The following MALRD1 variants were observed in gnomAD, a reference collection of about 807,000 sequenced individuals.
MALRD1 encodes MAM and LDL-receptor class A domain-containing protein 1.
Under a neutral mutation model 242.1 loss-of-function variants are expected in MALRD1, and 247 were observed. That is an observed-to-expected ratio of 1.02 (90% confidence interval 0.92 to 1.13). MALRD1 has a LOEUF of 1.13. Among genes scored for constraint, MALRD1 ranks in the 50% most tolerant of loss-of-function variants. The pLI is 0.00. For missense variants in MALRD1, 2,989 were observed against 2,533.1 expected (o/e 1.18, Z -3.86); for synonymous variants, 995 against 866.6 (o/e 1.15, Z -2.60).
At position 19,324,031 on chromosome 10, in the gene MALRD1, A is replaced by G. The variant is rs1446663569; in HGVS notation, c.3502A>G (p.Ile1168Val). ...GDTADILTPI[I>V]SLTGPKCTLV... is the part of the protein sequence containing the mutation. ...CACGGCTGACATTCTCACTCCTATC[A>G]TTTCACTCACGGGACCAAAATGTAC... The change falls in exon 22 of 40, where the codon ATT becomes GTT. Residue 1168 changes from isoleucine to valine, a missense_variant. Ile to Val is a conservative substitution (Grantham distance 29). Transcript: ENST00000454679. 1 of 1,550,630 alleles carries G rather than the reference A, an allele frequency of 6.4e-7. No homozygotes were observed. The highest frequency in any genetic ancestry group is 8.7e-7 in the Non-Finnish European group (1 of 1,146,934).
At chr10:19,356,918 G>T (rs181038545) in intron 26 of MALRD1, among the ~76,000 whole-genome samples, 182 of 152,106 alleles carry the variant, frequency 1.2e-3, no homozygotes, top group African/African-American at 4.1e-3. Flanking sequence ...AGACCAGCCT[G>T]ACCAACATGG....
chr10:19,530,423 A>ATATTATATATT (rs371117447), intron 31 of MALRD1, among the ~76,000 whole-genome samples: 3 of 77,838 alleles, frequency 3.9e-5, no homozygotes, highest in African/African-American at 1.2e-4. Context: ...ATAATAATAA[A>ATATTATATATT]TATATAATAT....
At chr10:19,539,251 T>C (rs1160768555) in intron 32 of MALRD1, among the ~76,000 whole-genome samples, 1 of 152,078 alleles carries the variant, frequency 6.6e-6, no homozygotes, top group African/African-American at 2.4e-5. Context: ...GTAAGGCAAA[T>C]GAGATAGACA....
rs115045673 is a variant in MALRD1, at chr10:19,618,583, G to T, written c.6137+2660G>T. The stretch of plus-strand genomic sequence containing the variant: ...TTGACTTCCATTCCTCTAATGATCA[G>T]TGATGTTGGGCTTTTTTTCATATGC... On this transcript the variant is annotated intron_variant, in intron 36 of 39. Transcript: ENST00000454679. Among the ~76,000 whole-genome samples, 588 of 152,142 alleles carry T rather than the reference G, an allele frequency of 3.9e-3. 3 individuals carry two copies. Among genetic ancestry groups the T allele is most frequent in the African/African-American group, 0.014 (564 of 41,538 alleles).
chr10:19,218,752 T>A (rs1157800542), intron 18 of MALRD1, among the ~76,000 whole-genome samples: 1 of 152,144 alleles, frequency 6.6e-6, no homozygotes, highest in African/African-American at 2.4e-5. Context: ...CTGAACACAG[T>A]GATCTTGACA....
At chr10:19,369,493 T>G (rs921098000) in intron 26 of MALRD1, among the ~76,000 whole-genome samples, 1 of 148,822 alleles carries the variant, frequency 6.7e-6, no homozygotes, top group East Asian at 1.9e-4. Flanking sequence ...GATGGAAGTA[T>G]CATTGTGTGC....
At chr10:19,555,354 G>A (rs367759245) in intron 32 of MALRD1, among the ~76,000 whole-genome samples, 21 of 152,276 alleles carry the variant, frequency 1.4e-4, no homozygotes, top group Admixed American at 3.3e-4. Context: ...AGTAGCGTAG[G>A]AGGATTGGGA....
In MALRD1 at chr10:19,409,025, C is replaced by G. The variant is rs1356878801; in HGVS notation, c.4845+19416C>G. On this transcript the variant is annotated intron_variant, in intron 28 of 39. Coordinates refer to ENST00000454679, the MANE Select transcript of MALRD1 (RefSeq NM_001142308.3). ...TTATAACAGCATTCTGTTAACTGTA[C>G]TAGCCATTATCTAGCAACAACATTC... Among the ~76,000 whole-genome samples the G allele has an allele frequency of 2.6e-5, 4 of 152,288 alleles. No homozygotes were observed. In the East Asian group the frequency reaches 7.7e-4, roughly 29 times the overall value.
At chr10:19,661,168 C>A (rs537108447) in intron 36 of MALRD1, among the ~76,000 whole-genome samples, 2 of 152,138 alleles carry the variant, frequency 1.3e-5, no homozygotes, top group Non-Finnish European at 2.9e-5. Context: ...GAAATAGGAA[C>A]GCTTTTACAC....
In MALRD1 at chr10:19,324,072, A is replaced by T; in HGVS notation, c.3543A>T (p.Thr1181=). The change falls in exon 22 of 40, where the codon ACA becomes ACT. Residue 1181 remains threonine, a synonymous_variant. Coordinates refer to ENST00000454679, the MANE Select transcript of MALRD1 (RefSeq NM_001142308.3). ...TGPKCTLVFW[T]HMNGATVGSL... is the part of the protein sequence containing the mutation. ...CAAAATGTACCTTGGTGTTCTGGAC[A>T]CATATGAATGGGGCCACCGTTGGTT... 6.4e-7 allele frequency: 1 copy of T among 1,550,460 alleles called. No homozygotes were observed.
intron 36 of MALRD1, among the ~76,000 whole-genome samples, chr10:19,630,780 A>T (rs74119716): frequency 0.099 from 15,126 of 152,176 alleles, 1,884 homozygotes; most frequent in African/African-American, 0.29. Context: ...ATTTATAAGC[A>T]TATATTTAAC....
chr10:19,211,681 T>C (rs1837075352), intron 18 of MALRD1, among the ~76,000 whole-genome samples: 4 of 44,316 alleles, frequency 9.0e-5, no homozygotes, highest in Admixed American at 8.9e-4. Flanking sequence ...GCATGACTCC[T>C]CACAAAAAAA....
chr10:19,533,063 C>A (rs1834497678), intron 32 of MALRD1, among the ~76,000 whole-genome samples: 1 of 152,140 alleles, frequency 6.6e-6, no homozygotes, highest in Non-Finnish European at 1.5e-5. Context: ...AGTGGAAAGG[C>A]CACCAGACCT....
chr10:19,648,724 T>C lies in MALRD1; in HGVS notation c.6137+32801T>C, dbSNP rs1840748553. Among the ~76,000 whole-genome samples, 3 of 152,318 alleles carry C rather than the reference T, an allele frequency of 2.0e-5. No homozygotes were observed. In the South Asian group the frequency reaches 6.2e-4, roughly 32 times the overall value. On this transcript the variant is annotated intron_variant, in intron 36 of 39. Transcript: ENST00000454679. ...TCTGATTATTGCAGTTACCATCTATTTTGTATATATGCTAAAACAATTTTT... is the reference window on the plus strand; with the variant it reads ...TCTGATTATTGCAGTTACCATCTATCTTGTATATATGCTAAAACAATTTTT...
intron 33 of MALRD1, among the ~76,000 whole-genome samples, chr10:19,583,388 G>A (rs1388158714): frequency 1.3e-5 from 2 of 150,862 alleles, no homozygotes; most frequent in African/African-American, 4.9e-5. Flanking sequence ...ATTATTTTGA[G>A]ATACGTCCCA....
chr10:19,711,088 G>A (rs931255307), intron 38 of MALRD1: 6 of 152,172 alleles, frequency 3.9e-5, no homozygotes, highest in African/African-American at 1.2e-4. Flanking sequence ...TTGGGAGGGC[G>A]ATTGGCTTCT....
At chr10:19,159,766 G>A (rs1001447576) in intron 12 of MALRD1, among the ~76,000 whole-genome samples, 5 of 152,106 alleles carry the variant, frequency 3.3e-5, no homozygotes, top group African/African-American at 1.2e-4. Context: ...GTACAGACAC[G>A]AGAGCCAATG....
intron 28 of MALRD1, among the ~76,000 whole-genome samples, chr10:19,445,339 T>C (rs373916971): frequency 6.6e-6 from 1 of 152,206 alleles, no homozygotes; most frequent in Non-Finnish European, 1.5e-5. Flanking sequence ...TCCATCCACC[T>C]TTGTTCCGTT....
chr10:19,208,466 A>T (rs948920781), intron 17 of MALRD1, among the ~76,000 whole-genome samples: 4 of 152,162 alleles, frequency 2.6e-5, no homozygotes, highest in Admixed American at 2.0e-4. Context: ...TTCTATGAGC[A>T]TACATGAAAG....
Sources: gnomAD v4.1 joint callset for allele counts (sites outside exome capture counted in the v4.1 genomes callset) on GRCh38, gnomAD v4.1.1 for gene constraint, MANE v1.5 for transcripts, NCBI Gene and HGNC (gene_info 2026-07-23, HGNC 2026-07-21) for gene names.